Variants in TENM3 observed in about 807,000 individuals in gnomAD.
The protein encoded by TENM3 is teneurin transmembrane protein 3.
A neutral mutation model predicts 255.1 loss-of-function variants in TENM3; 63 were observed. The ratio of observed to expected loss-of-function variants is 0.25; its 90% CI spans 0.20 to 0.30. The LOEUF is 0.30. Among genes scored for constraint, TENM3 ranks in the 10% least tolerant of loss-of-function variants. The pLI is 1.00. For missense variants in TENM3, 2,929 were observed against 3,461.1 expected (o/e 0.85, Z 3.86); for synonymous variants, 1,306 against 1,322.3 (o/e 0.99, Z 0.27).
chr4:182,144,703 C>CGCG (rs1246372173), exon 1 of TENM3: 2 of 145,694 alleles, frequency 1.4e-5, no homozygotes, highest in South Asian at 2.1e-4. Context: ...CTCGGGCGGA[C>CGCG]GCGGCGGCTG....
At chr4:182,091,070 T>C in the TENM3 span, among the ~76,000 whole-genome samples, 1 of 152,190 alleles carries the variant, frequency 6.6e-6, no homozygotes, top group African/African-American at 2.4e-5. Flanking sequence ...AAGACAAGGA[T>C]ATAAAAGCTC....
the TENM3 span, among the ~76,000 whole-genome samples, chr4:181,926,569 G>T: frequency 1.3e-5 from 2 of 152,068 alleles, no homozygotes; most frequent in East Asian, 1.9e-4. Context: ...GGGTTTTGGG[G>T]TTTTGTTGTT....
At chr4:182,729,330 T>C (rs993132508) in intron 14 of TENM3, 149 bp downstream of exon 14, 1 of 705,728 alleles carries the variant, frequency 1.4e-6, no homozygotes. Flanking sequence ...CACCAAACTT[T>C]GTATTTCAAG....
rs373580689 is a variant in TENM3, at chr4:182,290,839, G to A, written c.-75-33107G>A. ...TAAATAGGAGGTTTTGTTTTAATTTGAGACAGAGTCTTGCTTTGTCGCCCA... is the reference window on the plus strand; with the variant it reads ...TAAATAGGAGGTTTTGTTTTAATTTAAGACAGAGTCTTGCTTTGTCGCCCA... On this transcript the variant is annotated intron_variant, in intron 1 of 27. Transcript: ENST00000511685. Among the ~76,000 whole-genome samples the A allele has an allele frequency of 8.3e-5, 12 of 144,556 alleles. No homozygotes were observed. The East Asian group carries it at 2.5e-3, about 30-fold the overall frequency. 94.8% of individuals were successfully genotyped at this position (144,556 alleles called of 152,430 possible). A position where few individuals can be genotyped will look rare whatever the true frequency, so the allele number is the denominator to read the frequency against.
the TENM3 span, among the ~76,000 whole-genome samples, chr4:182,003,254 C>T: frequency 1.3e-5 from 2 of 152,000 alleles, no homozygotes; most frequent in East Asian, 3.9e-4. Context: ...TGGAAAACAA[C>T]ACTGTATATA....
intron 3 of TENM3, among the ~76,000 whole-genome samples, chr4:182,442,026 A>G (rs1010289878): frequency 1.3e-5 from 2 of 152,210 alleles, no homozygotes; most frequent in Non-Finnish European, 2.9e-5. Context: ...AGAGGGGCCC[A>G]TAAACTATTC....
At chr4:182,786,019 G>A (rs140983929) in intron 24 of TENM3, among the ~76,000 whole-genome samples, 152 of 152,330 alleles carry the variant, frequency 1.0e-3, no homozygotes, top group African/African-American at 3.5e-3. Flanking sequence ...CTTGGCTTGT[G>A]TTGGGAATTT....
At chr4:182,033,526 A>G in the TENM3 span, among the ~76,000 whole-genome samples, 2 of 152,160 alleles carry the variant, frequency 1.3e-5, no homozygotes, top group African/African-American at 2.4e-5. Context: ...TTTTCGAGGG[A>G]GAGTTCTGTA....
intron 3 of TENM3, among the ~76,000 whole-genome samples, chr4:182,422,801 C>A (rs1468701943): frequency 6.6e-6 from 1 of 152,054 alleles, no homozygotes; most frequent in South Asian, 2.1e-4. Context: ...TTTCAGACAC[C>A]CTTGTAAGCA....
the TENM3 span, among the ~76,000 whole-genome samples, chr4:181,774,073 A>T: frequency 1.1e-5 from 1 of 93,448 alleles, no homozygotes; most frequent in Non-Finnish European, 1.9e-5. Context: ...TGTGCAGGTT[A>T]GTTACATATG....
At chr4:182,072,835 T>C in the TENM3 span, among the ~76,000 whole-genome samples, 3 of 152,244 alleles carry the variant, frequency 2.0e-5, no homozygotes, top group African/African-American at 7.2e-5. Context: ...GTGGACTGAG[T>C]TGTGCTCCCC....
chr4:181,705,134 T>C, the TENM3 span, among the ~76,000 whole-genome samples: 2 of 152,074 alleles, frequency 1.3e-5, no homozygotes, highest in African/African-American at 4.8e-5. Context: ...GGAATGGTCA[T>C]TAAATAAATC....
intron 12 of TENM3, among the ~76,000 whole-genome samples, chr4:182,709,419 G>A (rs1214384215): frequency 2.0e-5 from 3 of 152,034 alleles, no homozygotes; most frequent in Non-Finnish European, 2.9e-5. Context: ...GAACATACTC[G>A]TTAGTTTTCA....
the TENM3 span, among the ~76,000 whole-genome samples, chr4:181,671,467 C>T: frequency 6.6e-6 from 1 of 152,114 alleles, no homozygotes; most frequent in Non-Finnish European, 1.5e-5. Flanking sequence ...GGCTTAGCCT[C>T]TTAATACTCG....
chr4:181,534,933 T>C, the TENM3 span, among the ~76,000 whole-genome samples: 1 of 152,198 alleles, frequency 6.6e-6, no homozygotes, highest in Admixed American at 6.5e-5. Context: ...TTCTGGAGGC[T>C]GTGGCCAGAA....
chr4:182,613,621 A>G (rs946872308), intron 4 of TENM3, among the ~76,000 whole-genome samples: 8 of 152,266 alleles, frequency 5.3e-5, no homozygotes, highest in African/African-American at 1.9e-4. Context: ...ACAAAAATAT[A>G]TTTCCCCCAA....
rs1225830654 is a variant in TENM3 at position 182,325,401 on chromosome 4, T to A, written c.232+1149T>A. ...CCGGTTTACATCAAAGAAAACTCAT[T>A]TGATTCGCTAAGGAGAGATTTTTAT... On this transcript the variant is annotated intron_variant, in intron 2 of 27. Coordinates refer to ENST00000511685, the MANE Select transcript of TENM3 (RefSeq NM_001080477.4). Among the ~76,000 whole-genome samples the A allele has an allele frequency of 3.9e-5, 6 of 152,182 alleles. No homozygotes were observed. In the South Asian group the frequency reaches 6.2e-4, roughly 16 times the overall value.
the TENM3 span, among the ~76,000 whole-genome samples, chr4:181,665,732 C>T: frequency 6.6e-6 from 1 of 151,938 alleles, no homozygotes; most frequent in Admixed American, 6.6e-5. Context: ...AAAAATCTAG[C>T]ACATTTAACA....
chr4:182,517,875 A>G (rs1051914537), intron 3 of TENM3, among the ~76,000 whole-genome samples: 2 of 152,166 alleles, frequency 1.3e-5, no homozygotes, highest in African/African-American at 2.4e-5. Context: ...AATGCATATA[A>G]AACAAATTTA....
Sources: gnomAD v4.1 joint callset for allele counts (sites outside exome capture counted in the v4.1 genomes callset) on GRCh38, gnomAD v4.1.1 for gene constraint, MANE v1.5 for transcripts, NCBI Gene and HGNC (gene_info 2026-07-23, HGNC 2026-07-21) for gene names.